MMGT1: variants seen among roughly 807,000 people sequenced by gnomAD.
The protein encoded by MMGT1 is membrane magnesium transporter 1, also known as ER membrane protein complex subunit 5.
Under a neutral mutation model 11.7 loss-of-function variants are expected in MMGT1, and 2 were observed. That is an observed-to-expected ratio of 0.17 (90% CI 0.07 to 0.54). The LOEUF is 0.54. Ranked by LOEUF, MMGT1 falls within the 20% of genes least tolerant of loss-of-function variation. The pLI is 0.94. For missense variants in MMGT1, 74 were observed against 109.0 expected (o/e 0.68, Z 1.43); for synonymous variants, 49 against 44.4 (o/e 1.10, Z -0.41).
rs375909449 is a variant in MMGT1 at position 135,967,407 on chromosome X, A to G, written c.219T>C (p.Thr73=). 3.0e-4 allele frequency: 353 copies of G among 1,173,851 alleles called. 1 individual carries two copies. Among genetic ancestry groups the G allele is most frequent in the Non-Finnish European group, 2.5e-4 (218 of 866,521 alleles). Residue 73 remains threonine (T), a synonymous_variant, in exon 3 of 4, where the codon ACT becomes ACC. Coordinates refer to ENST00000305963, the MANE Select transcript of MMGT1 (RefSeq NM_173470.3). ...AGACTTACTTATTTTTCAGTTCTGAAGTGGCATCCATGTCTTTAAACTCTC... is the reference window on the plus strand; with the variant it reads ...AGACTTACTTATTTTTCAGTTCTGAGGTGGCATCCATGTCTTTAAACTCTC... ...IAGEFKDMDA[T]SELKNKTFDT... is the part of the protein sequence containing the mutation.
intron 2 of MMGT1, among the ~76,000 whole-genome samples, chrX:135,968,733 G>A (rs1286450356): frequency 1.8e-5 from 2 of 110,932 alleles, no homozygotes; most frequent in Non-Finnish European, 3.8e-5. Flanking sequence ...GTTTCACCAT[G>A]TTGGCCAGGC....
rs2089150809 is a variant in MMGT1 at position 135,960,868 on chromosome X, G to A, written c.*4156C>T. On this transcript the variant is annotated 3_prime_UTR_variant, in exon 4 of 4. Transcript: ENST00000305963. ...TGTGTTCCATCTCCTTCATTAAAAT[G>A]TACCAGACCTTCATTAAAATGCATT... 8.9e-6 allele frequency among the ~76,000 whole-genome samples: 1 copy of A among 111,952 alleles called. No individual in the cohort carries two copies. The highest frequency in any genetic ancestry group is 3.2e-5 in the African/African-American group (1 of 30,844).
intron 2 of MMGT1, among the ~76,000 whole-genome samples, chrX:135,970,533 T>C (rs1248129874): frequency 1.8e-5 from 2 of 112,300 alleles, no homozygotes; most frequent in African/African-American, 6.5e-5. Context: ...CAGAGCATCT[T>C]CGAGAAAGAC....
chrX:135,968,538 T>TGTGTGTGTGTGTGTGTGTGTGTGTGTGTG (rs1556612227), intron 2 of MMGT1, among the ~76,000 whole-genome samples: 1 of 106,371 alleles, frequency 9.4e-6, no homozygotes, highest in Admixed American at 1.0e-4. Context: ...TGTGTGTGTG[T>TGTGTGTGTGTGTGTGTGTGTGTGTGTGTG]TTTCTTTTTT....
chrX:135,973,607 G>A lies in MMGT1; in HGVS notation c.69C>T (p.Ser23=), dbSNP rs1556612815. 1.7e-6 allele frequency: 2 copies of A among 1,165,991 alleles called. No homozygotes were observed. Among genetic ancestry groups the A allele is most frequent in the Non-Finnish European group, 2.3e-6 (2 of 871,894 alleles). ...GLFALAHAAF[S]AAQHRSYMRL... ...GCCCCAGGCACTTACGCTGCGCAGC[G>A]GAAAAGGCGGCGTGGGCTAGGGCAA... Residue 23 remains serine, a synonymous_variant, in exon 1 of 4, where the codon TCC becomes TCT. Coordinates refer to ENST00000305963, the MANE Select transcript of MMGT1 (RefSeq NM_173470.3).
Position 135,967,435 on chromosome X carries a change from G to A in MMGT1, c.191C>T (p.Ala64Val). 8.3e-7 allele frequency: 1 copy of A among 1,199,767 alleles called. No homozygotes were observed. Among genetic ancestry groups the A allele is most frequent in the Non-Finnish European group, 1.1e-6 (1 of 888,085 alleles). Residue 64 changes from alanine (A) to valine (V), a missense_variant, in exon 3 of 4, where the codon GCA becomes GTA. Transcript: ENST00000305963. ...AVTCYGIVHI[A>V]GEFKDMDATS... ...GGCATCCATGTCTTTAAACTCTCCT[G>A]CAATATGAACTATACCGTAACAGGT... is the stretch of plus-strand genomic sequence containing the variant.
chrX:135,967,837 T>G (rs530802870), intron 2 of MMGT1, among the ~76,000 whole-genome samples: 8 of 111,720 alleles, frequency 7.2e-5, no homozygotes, highest in African/African-American at 1.6e-4. Flanking sequence ...TTTTTGTTTT[T>G]TTTTTGTTGT....
intron 1 of MMGT1, among the ~76,000 whole-genome samples, 169 bp from the exon 2 acceptor site, chrX:135,971,279 AAAGTAT>A (rs1450314427): frequency 9.0e-6 from 1 of 111,452 alleles, no homozygotes; most frequent in Non-Finnish European, 1.9e-5. Context: ...CCTAAAACTT[AAAGTAT>A]AATAATAATA....
chrX:135,962,645 G>T lies in MMGT1; in HGVS notation c.*2379C>A, dbSNP rs1338000944. ...AAAAAGAAATTTGGGGAGCTCACCT[G>T]GCCTGAGGTATACAAGCTGCTAGCA... On this transcript the variant is annotated 3_prime_UTR_variant, in exon 4 of 4. Coordinates refer to ENST00000305963, the MANE Select transcript of MMGT1 (RefSeq NM_173470.3). The T allele has an allele frequency of 8.9e-6, 1 of 111,812 alleles. No individual in the cohort carries two copies. Among genetic ancestry groups the T allele is most frequent in the Non-Finnish European group, 1.9e-5 (1 of 53,165 alleles). 9.2% of individuals were successfully genotyped at this position (111,812 alleles called of 1,213,427 possible).
At chrX:135,968,038 G>A (rs1556612183) in intron 2 of MMGT1, among the ~76,000 whole-genome samples, 1 of 111,550 alleles carries the variant, frequency 9.0e-6, no homozygotes, top group Non-Finnish European at 1.9e-5. Context: ...TTTTAGTAGA[G>A]ACGGGGTTTC....
chrX:135,971,149 C>T, intron 1 of MMGT1, 39 bp from the exon 2 acceptor site: 1 of 995,148 alleles, frequency 1.0e-6, no homozygotes. Flanking sequence ...AACTGTAGTT[C>T]ATTTTTCTTT....
chrX:135,973,789 CG>C lies in MMGT1; in HGVS notation c.-115del, dbSNP rs1556612900. Reference sequence around the variant, plus strand: ...AAGATGACGTCACTGAAGTCCTGAGCGCAAAGTGTCTCAGTGGTGGAAAAGC... The same window carrying C: ...AAGATGACGTCACTGAAGTCCTGAGCCAAAGTGTCTCAGTGGTGGAAAAGC... On this transcript the variant is annotated 5_prime_UTR_variant, in exon 1 of 4. An upstream open reading frame in the 5' UTR gains an earlier in-frame stop. Transcript: ENST00000305963. 8.6e-7 allele frequency: 1 copy of C among 1,161,957 alleles called. No homozygotes were observed. Among genetic ancestry groups the C allele is most frequent in the Non-Finnish European group, 1.1e-6 (1 of 871,616 alleles).
Position 135,963,513 on chromosome X carries a change from G to C in MMGT1, c.*1511C>G, listed in dbSNP as rs1384923084. 1.8e-5 allele frequency: 2 copies of C among 111,889 alleles called. No individual in the cohort carries two copies. Among genetic ancestry groups the C allele is most frequent in the Admixed American group, 1.9e-4 (2 of 10,517 alleles). The allele number at this position is 111,889 out of a possible 1,213,427, so 9.2% of individuals were successfully genotyped here. A position where few individuals can be genotyped will look rare whatever the true frequency, so the allele number is the denominator to read the frequency against. Reference sequence around the variant, plus strand: ...TCTAAATTATTTTAGGTTATCGGCAGATTTCTAACTTTGTTCTCATTAGAG... The same window carrying C: ...TCTAAATTATTTTAGGTTATCGGCACATTTCTAACTTTGTTCTCATTAGAG... On this transcript the variant is annotated 3_prime_UTR_variant, in exon 4 of 4. Coordinates refer to ENST00000305963, the MANE Select transcript of MMGT1 (RefSeq NM_173470.3).
intron 2 of MMGT1, 125 bp from the exon 3 acceptor site, chrX:135,967,618 T>C: frequency 2.4e-6 from 1 of 415,876 alleles, no homozygotes; most frequent in Non-Finnish European, 4.2e-6. Context: ...AGGGAGACAA[T>C]GCTCACTTGA....
intron 3 of MMGT1, 113 bp from the exon 4 acceptor site, chrX:135,965,296 G>A: frequency 2.0e-6 from 1 of 511,687 alleles, no homozygotes; most frequent in African/African-American, 2.3e-5. Flanking sequence ...TTTTTAACAA[G>A]TATTAATACA....
chrX:135,970,043 C>A (rs1305690061), intron 2 of MMGT1, among the ~76,000 whole-genome samples: 2 of 112,034 alleles, frequency 1.8e-5, no homozygotes, highest in Admixed American at 9.5e-5. Context: ...GTGAGTGATG[C>A]TGGAATACTT....
At chrX:135,971,200 C>G in intron 1 of MMGT1, 90 bp from the exon 2 acceptor site, 1 of 615,206 alleles carries the variant, frequency 1.6e-6, no homozygotes, top group Non-Finnish European at 2.7e-6. Context: ...AAGTGGCTGA[C>G]TTATGTGCAG....
intron 1 of MMGT1, among the ~76,000 whole-genome samples, chrX:135,972,116 C>T (rs1264142135): frequency 8.9e-6 from 1 of 112,073 alleles, no homozygotes; most frequent in African/African-American, 3.2e-5. Context: ...ATTGTGCTAT[C>T]TGCTGCTACA....
intron 3 of MMGT1, among the ~76,000 whole-genome samples, chrX:135,967,021 A>G (rs934777220): frequency 7.8e-5 from 8 of 102,851 alleles, no homozygotes; most frequent in African/African-American, 2.8e-4. Context: ...TGGTAGGAAG[A>G]GAGGGATGGA....
Sources: allele counts gnomAD v4.1 joint callset (sites outside exome capture counted in the v4.1 genomes callset), GRCh38; gene constraint gnomAD v4.1.1; transcripts MANE v1.5; gene names NCBI Gene and HGNC (gene_info 2026-07-23, HGNC 2026-07-21).